The following ANO3 variants were observed in gnomAD, a reference collection of about 807,000 sequenced individuals.
ANO3 encodes anoctamin-3.
Under a neutral mutation model 144.8 loss-of-function variants are expected in ANO3, and 99 were observed. The ratio of observed to expected loss-of-function variants is 0.68; its 90% confidence interval spans 0.58 to 0.81. The LOEUF (loss-of-function observed/expected upper bound fraction) is 0.81. ANO3 is among the 30% of genes least tolerant of loss of function. ANO3 has a pLI of 0.00. For missense variants in ANO3, 905 were observed against 1,202.2 expected (o/e 0.75, Z 3.66); for synonymous variants, 414 against 392.6 (o/e 1.05, Z -0.64).
chr11:26,309,984 G>A (rs920457711), intron 1 of ANO3, among the ~76,000 whole-genome samples: 10 of 152,026 alleles, frequency 6.6e-5, no homozygotes, highest in Admixed American at 2.6e-4. Context: ...AAAAACATTT[G>A]CACCATTTAA....
chr11:26,661,591 G>C lies in ANO3; in HGVS notation c.*1147G>C, dbSNP rs1417689910. The C allele has an allele frequency of 6.6e-6, 1 of 152,272 alleles. No individual in the cohort carries two copies. Among genetic ancestry groups the C allele is most frequent in the African/African-American group, 2.4e-5 (1 of 41,428 alleles). The allele number at this position is 152,272 out of a possible 1,614,324, so 9.4% of individuals were successfully genotyped here. On this transcript the variant is annotated 3_prime_UTR_variant, in exon 27 of 27. Transcript: ENST00000256737. Reference sequence around the variant, plus strand: ...AAAAAGAAAAAACATTTGTGTTTTAGTTTCTTTTTTCATGACTGAAGGGAG... The same window carrying C: ...AAAAAGAAAAAACATTTGTGTTTTACTTTCTTTTTTCATGACTGAAGGGAG...
Position 26,310,247 on chromosome 11 carries a change from G to A in ANO3, c.-3+528G>A, listed in dbSNP as rs373877676. Among the ~76,000 whole-genome samples the A allele has an allele frequency of 7.2e-5, 11 of 152,224 alleles. No homozygotes were observed. In the South Asian group the frequency reaches 1.9e-3, roughly 26 times the overall value. ...CTATAATAGATGAAATCAGATAAAT[G>A]CAAAATGTACTTAGCAGTCAACTTC... On this transcript the variant is annotated intron_variant, in intron 1 of 26. Coordinates refer to the ANO3 transcript ENST00000525139.
At chr11:26,579,004 T>C (rs1172492186) in intron 14 of ANO3, among the ~76,000 whole-genome samples, 1 of 152,234 alleles carries the variant, frequency 6.6e-6, no homozygotes, top group African/African-American at 2.4e-5. Flanking sequence ...TATAGTCTAA[T>C]CTGTTTAAGC....
At chr11:26,362,211 AT>A (rs1396919053) in intron 1 of ANO3, among the ~76,000 whole-genome samples, 2 of 152,128 alleles carry the variant, frequency 1.3e-5, no homozygotes, top group Admixed American at 1.3e-4. Context: ...ATTAAAAATA[AT>A]TTTGCCAATT....
At chr11:26,620,703 A>G (rs1382010858) in intron 17 of ANO3, among the ~76,000 whole-genome samples, 1 of 152,132 alleles carries the variant, frequency 6.6e-6, no homozygotes, top group Non-Finnish European at 1.5e-5. Context: ...TCCCATCTCT[A>G]GAGTCCAGAG....
At chr11:26,197,598 G>T (rs558537287) in intron 1 of ANO3, among the ~76,000 whole-genome samples, 1 of 151,870 alleles carries the variant, frequency 6.6e-6, no homozygotes. Flanking sequence ...TGATCCTCCC[G>T]CCTCGGCCTC....
intron 1 of ANO3, among the ~76,000 whole-genome samples, chr11:26,368,368 T>A (rs550758502): frequency 1.2e-4 from 18 of 152,336 alleles, no homozygotes; most frequent in African/African-American, 4.3e-4. Flanking sequence ...CAGAATTTTA[T>A]AAATTATATT....
chr11:26,613,957 G>GTCA (rs1179947018), intron 17 of ANO3, among the ~76,000 whole-genome samples: 1 of 152,224 alleles, frequency 6.6e-6, no homozygotes, highest in Non-Finnish European at 1.5e-5. Flanking sequence ...ATGCTCATGG[G>GTCA]TGTAATGGCA....
chr11:26,317,322 G>A (rs541809650), intron 1 of ANO3, among the ~76,000 whole-genome samples: 1 of 151,840 alleles, frequency 6.6e-6, no homozygotes, highest in Non-Finnish European at 1.5e-5. Context: ...GAGTGAGCAG[G>A]CAACCTACAG....
chr11:26,479,563 C>T (rs1289376286), intron 4 of ANO3, among the ~76,000 whole-genome samples: 2 of 152,016 alleles, frequency 1.3e-5, no homozygotes, highest in Admixed American at 6.6e-5. Flanking sequence ...CATCGGATCT[C>T]GTGAGACTTA....
intron 23 of ANO3, among the ~76,000 whole-genome samples, chr11:26,646,345 G>A (rs10835042): frequency 0.22 from 32,993 of 151,896 alleles, 3,772 homozygotes; most frequent in East Asian, 0.34. Context: ...ATATAAATAT[G>A]TACATAGTTA....
chr11:26,233,953 G>A (rs866822083), intron 1 of ANO3, among the ~76,000 whole-genome samples: 2 of 151,812 alleles, frequency 1.3e-5, no homozygotes. Context: ...TAGGTAGGGG[G>A]CAAGGGGAGG....
intron 1 of ANO3, among the ~76,000 whole-genome samples, chr11:26,202,803 T>G (rs1851724172): frequency 1.3e-5 from 2 of 152,038 alleles, no homozygotes; most frequent in South Asian, 4.1e-4. Context: ...TGTCTAGAAT[T>G]TTCAAAATAT....
At position 26,337,514 on chromosome 11, in the gene ANO3, G is replaced by T. The variant is rs150242518; in HGVS notation, c.46+5193G>T. ...GGATTTACATTATATTCTGCACATG[G>T]ATGTTTCTGAAAGTAATATATTTGG... On this transcript the variant is annotated intron_variant, in intron 1 of 26. Coordinates refer to ENST00000256737, the MANE Select transcript of ANO3 (RefSeq NM_031418.4). 1.4e-4 allele frequency among the ~76,000 whole-genome samples: 21 copies of T among 152,160 alleles called. No homozygotes were observed. The East Asian group carries it at 4.1e-3, about 29-fold the overall frequency.
chr11:26,600,358 T>C (rs1330447915), intron 17 of ANO3, among the ~76,000 whole-genome samples: 1 of 64,204 alleles, frequency 1.6e-5, no homozygotes, highest in African/African-American at 6.7e-5. Flanking sequence ...CTCTCCCCTC[T>C]CCTCTCCTCT....
At chr11:26,561,243 T>C (rs1565105704) in intron 14 of ANO3, 1 of 1,586,922 alleles carries the variant, frequency 6.3e-7, no homozygotes, top group Non-Finnish European at 8.6e-7. Context: ...AGTAACAAAA[T>C]AATACTGTTT....
chr11:26,229,269 C>G (rs1459032753), intron 1 of ANO3, among the ~76,000 whole-genome samples: 1 of 152,184 alleles, frequency 6.6e-6, no homozygotes, highest in Non-Finnish European at 1.5e-5. Flanking sequence ...ATGTGCAACA[C>G]AATTCTCCAA....
At chr11:26,314,159 G>T (rs2133873156) in intron 1 of ANO3, among the ~76,000 whole-genome samples, 1 of 152,186 alleles carries the variant, frequency 6.6e-6, no homozygotes, top group East Asian at 1.9e-4. Flanking sequence ...TTGCTCGCCA[G>T]CATGCCATGT....
chr11:26,262,739 C>CACAG (rs1177111571), intron 1 of ANO3, among the ~76,000 whole-genome samples: 7 of 148,780 alleles, frequency 4.7e-5, no homozygotes, highest in African/African-American at 1.7e-4. Flanking sequence ...CACACACACA[C>CACAG]AGAGAGAGAG....
Sources: gnomAD v4.1 joint callset for allele counts (sites outside exome capture counted in the v4.1 genomes callset) on GRCh38, gnomAD v4.1.1 for gene constraint, MANE v1.5 for transcripts, NCBI Gene and HGNC (gene_info 2026-07-23, HGNC 2026-07-21) for gene names.